Variants in LRP1B observed in about 807,000 individuals in gnomAD.
LRP1B encodes the protein low-density lipoprotein receptor-related protein 1B.
LRP1B carries 217 observed loss-of-function variants against 556.6 expected under a neutral mutation model. The ratio of observed to expected loss-of-function variants is 0.39; its 90% confidence interval spans 0.35 to 0.44. The LOEUF (loss-of-function observed/expected upper bound fraction) is 0.44. LRP1B is among the 20% of genes least tolerant of loss of function. LRP1B has a pLI of 1.00. For missense variants in LRP1B, 5,053 were observed against 5,620.8 expected (o/e 0.90, Z 3.23); for synonymous variants, 2,047 against 1,865.8 (o/e 1.10, Z -2.50).
chr2:140,367,352 C>A (rs919692019), intron 71 of LRP1B, among the ~76,000 whole-genome samples: 1 of 151,664 alleles, frequency 6.6e-6, no homozygotes, highest in South Asian at 2.1e-4. Flanking sequence ...CAATTGTCTG[C>A]AAAAATGCTT....
At chr2:141,181,501 A>C (rs565697215) in intron 7 of LRP1B, among the ~76,000 whole-genome samples, 1 of 151,986 alleles carries the variant, frequency 6.6e-6, no homozygotes, top group African/African-American at 2.4e-5. Flanking sequence ...TTGTGCACTC[A>C]GTAATTGAGA....
chr2:140,387,336 C>T (rs1162160717), intron 66 of LRP1B, among the ~76,000 whole-genome samples: 1 of 152,122 alleles, frequency 6.6e-6, no homozygotes, highest in East Asian at 1.9e-4. Flanking sequence ...AAATACTGAG[C>T]ATCTATTGAG....
At chr2:140,661,967 A>T (rs1374315388) in intron 41 of LRP1B, among the ~76,000 whole-genome samples, 1 of 152,178 alleles carries the variant, frequency 6.6e-6, no homozygotes, top group Non-Finnish European at 1.5e-5. Flanking sequence ...TCATCTGAAT[A>T]ATTACCTGAA....
At chr2:140,602,448 CAT>C in intron 41 of LRP1B, among the ~76,000 whole-genome samples, 1 of 152,124 alleles carries the variant, frequency 6.6e-6, no homozygotes, top group Non-Finnish European at 1.5e-5. Flanking sequence ...ACTTTTCCTA[CAT>C]GTTATTTGCT....
chr2:141,867,331 A>C (rs1698444665), intron 1 of LRP1B, among the ~76,000 whole-genome samples: 1 of 152,090 alleles, frequency 6.6e-6, no homozygotes, highest in Admixed American at 6.6e-5. Context: ...TCAAAAAGCT[A>C]TCTTGACTAC....
At chr2:141,024,993 G>A (rs1698177400) in intron 11 of LRP1B, among the ~76,000 whole-genome samples, 1 of 152,016 alleles carries the variant, frequency 6.6e-6, no homozygotes. Context: ...TCTTTGAAAA[G>A]ATACTTCTGA....
chr2:142,091,252 T>G (rs60857725), intron 1 of LRP1B, among the ~76,000 whole-genome samples: 2,885 of 152,242 alleles, frequency 0.019, 72 homozygotes, highest in East Asian at 0.063. Context: ...ATTTACATGC[T>G]GCAGCTGAAG....
intron 2 of LRP1B, among the ~76,000 whole-genome samples, chr2:141,597,618 A>C (rs561368047): frequency 9.2e-5 from 14 of 152,196 alleles, no homozygotes; most frequent in African/African-American, 3.4e-4. Flanking sequence ...TAGTTTGTCA[A>C]AATTAAATCT....
chr2:140,381,545 C>T (rs1312145115), intron 67 of LRP1B, among the ~76,000 whole-genome samples: 1 of 151,960 alleles, frequency 6.6e-6, no homozygotes, highest in Non-Finnish European at 1.5e-5. Context: ...TTTCAGAAGG[C>T]TAATTGGGAT....
intron 86 of LRP1B, among the ~76,000 whole-genome samples, chr2:140,248,929 G>T (rs1471168191): frequency 1.4e-5 from 2 of 148,008 alleles, no homozygotes; most frequent in African/African-American, 5.0e-5. Flanking sequence ...AATCCTGACT[G>T]CTTAGTTATT....
chr2:142,013,157 T>C (rs929960550), intron 1 of LRP1B, among the ~76,000 whole-genome samples: 2 of 152,178 alleles, frequency 1.3e-5, no homozygotes, highest in Non-Finnish European at 2.9e-5. Context: ...TTCATTTAAT[T>C]TATATGGGTA....
In LRP1B at chr2:140,770,861, G is replaced by C. The variant is rs2104938676; in HGVS notation, c.5626+20C>G. On this transcript the variant is annotated intron_variant, in intron 34 of 90. Coordinates refer to ENST00000389484, the MANE Select transcript of LRP1B (RefSeq NM_018557.3). The stretch of plus-strand genomic sequence containing the variant: ...AGTGAAGTAAATGAACCAGAGGTAA[G>C]GTTTTTCATGAACTCATACCTTGAC... The C allele has an allele frequency of 6.5e-7, 1 of 1,528,088 alleles. No homozygotes were observed. The highest frequency in any genetic ancestry group is 2.5e-5 in the East Asian group (1 of 39,690). 94.7% of individuals were successfully genotyped at this position (1,528,088 alleles called of 1,614,324 possible).
intron 7 of LRP1B, among the ~76,000 whole-genome samples, chr2:141,140,376 A>T (rs1295891015): frequency 6.6e-6 from 1 of 152,158 alleles, no homozygotes; most frequent in African/African-American, 2.4e-5. Context: ...TAAGGTTCTT[A>T]AAAAGATTAA....
chr2:141,255,832 T>G (rs2679447), intron 3 of LRP1B, among the ~76,000 whole-genome samples: 1 of 151,552 alleles, frequency 6.6e-6, no homozygotes, highest in African/African-American at 2.4e-5. Flanking sequence ...ACATCATATG[T>G]AAAAATCCCA....
chr2:140,248,727 A>G (rs899156621), intron 86 of LRP1B, among the ~76,000 whole-genome samples: 3 of 151,492 alleles, frequency 2.0e-5, no homozygotes, highest in Non-Finnish European at 4.4e-5. Context: ...AAATGTTCCA[A>G]TTCTTCACAT....
At chr2:142,128,755 A>C (rs1465726802) in intron 1 of LRP1B, among the ~76,000 whole-genome samples, 1 of 152,182 alleles carries the variant, frequency 6.6e-6, no homozygotes, top group Non-Finnish European at 1.5e-5. Flanking sequence ...TTTTAGAAAA[A>C]AACTAGCAAT....
At chr2:140,522,836 G>A (rs576330498) in intron 49 of LRP1B, among the ~76,000 whole-genome samples, 29 of 151,980 alleles carry the variant, frequency 1.9e-4, no homozygotes, top group African/African-American at 6.7e-4. Context: ...TCCCAAAATT[G>A]AGTAAGGAAG....
intron 2 of LRP1B, among the ~76,000 whole-genome samples, chr2:141,503,617 A>T (rs1331106736): frequency 6.6e-6 from 1 of 152,130 alleles, no homozygotes; most frequent in Non-Finnish European, 1.5e-5. Flanking sequence ...GCAGTGTGCC[A>T]GAAAAACCCT....
At chr2:141,900,794 C>A (rs926933448) in intron 1 of LRP1B, among the ~76,000 whole-genome samples, 3 of 151,970 alleles carry the variant, frequency 2.0e-5, no homozygotes, top group African/African-American at 7.2e-5. Flanking sequence ...TTAACGTGTA[C>A]ATTTTCAAAT....
Sources: gnomAD v4.1 joint callset for allele counts (sites outside exome capture counted in the v4.1 genomes callset) on GRCh38, gnomAD v4.1.1 for gene constraint, MANE v1.5 for transcripts, NCBI Gene and HGNC (gene_info 2026-07-23, HGNC 2026-07-21) for gene names.